TUB: variants seen among roughly 807,000 people sequenced by gnomAD.
The protein encoded by TUB is TUB bipartite transcription factor.
TUB carries 33 observed loss-of-function variants against 59.7 expected under a neutral mutation model. The observed-to-expected ratio is 0.55, with a 90% CI of 0.42 to 0.74. TUB has a LOEUF of 0.74. TUB is among the 30% of genes least tolerant of loss of function. TUB has a pLI of 0.00. For synonymous variants in TUB, 293 were observed against 256.4 expected (o/e 1.14, Z -1.36); for missense variants, 659 against 672.0 (o/e 0.98, Z 0.21).
At chr11:8,087,316 T>C (rs2133827066) in intron 1 of TUB, among the ~76,000 whole-genome samples, 2 of 152,364 alleles carry the variant, frequency 1.3e-5, no homozygotes, top group Middle Eastern at 3.4e-3. Context: ...TTCTTTGTCT[T>C]GCTCAGCCAA....
intron 1 of TUB, among the ~76,000 whole-genome samples, chr11:8,085,061 A>G (rs1943639469): frequency 6.6e-6 from 1 of 152,020 alleles, no homozygotes; most frequent in South Asian, 2.1e-4. Context: ...TTTTGTAGGG[A>G]GTAGTGGGAC....
At chr11:8,074,953 C>T (rs563236510) in intron 2 of TUB, among the ~76,000 whole-genome samples, 342 of 151,942 alleles carry the variant, frequency 2.3e-3, no homozygotes, top group African/African-American at 7.7e-3. Context: ...CCATGTTGCC[C>T]AGGCTGCTCT....
At chr11:8,074,118 T>C (rs1385640584) in intron 2 of TUB, among the ~76,000 whole-genome samples, 1 of 152,132 alleles carries the variant, frequency 6.6e-6, no homozygotes, top group Non-Finnish European at 1.5e-5. Context: ...ACCAAATCTA[T>C]TTTGTACCAA....
chr11:8,039,819 T>A (rs373501162), intron 2 of TUB: 1 of 660,806 alleles, frequency 1.5e-6, no homozygotes. Context: ...TGGGAGTGTG[T>A]GTGTGAAATG....
chr11:8,097,193 C>T (rs781018867), intron 6 of TUB, 35 bp from the exon 7 acceptor site: 5 of 1,612,122 alleles, frequency 3.1e-6, no homozygotes, highest in African/African-American at 1.3e-5. Context: ...GCTTAGGGTC[C>T]TTGGGGCTCA....
chr11:8,092,476 T>G (rs1260779863), intron 3 of TUB, among the ~76,000 whole-genome samples: 1 of 152,148 alleles, frequency 6.6e-6, no homozygotes, highest in Non-Finnish European at 1.5e-5. Context: ...GGCAAGCCAT[T>G]TACCCTCTCT....
At chr11:8,081,584 C>T (rs189235110) in intron 1 of TUB, 36 bp downstream of exon 1, 3 of 1,497,598 alleles carry the variant, frequency 2.0e-6, no homozygotes, top group Non-Finnish European at 8.9e-7. Context: ...CCACCACTCC[C>T]GACTCGGGAC....
intron 2 of TUB, among the ~76,000 whole-genome samples, chr11:8,073,027 G>A (rs1394331888): frequency 1.3e-5 from 2 of 152,200 alleles, no homozygotes; most frequent in Non-Finnish European, 2.9e-5. Flanking sequence ...CACAGAGAGA[G>A]GACATCCTCA....
At position 8,106,126 on chromosome 11, in the gene TUB, T is replaced by C. The variant is rs1263349704; in HGVS notation, c.*4507T>C. 6.6e-6 allele frequency: 1 copy of C among 152,242 alleles called. No individual in the cohort carries two copies. Among genetic ancestry groups the C allele is most frequent in the African/African-American group, 2.4e-5 (1 of 41,464 alleles). The allele number at this position is 152,242 out of a possible 1,614,324, so 9.4% of individuals were successfully genotyped here. ...TTCTGGAGCAAATGTATTTATTTATTGGTATGTGCAATGACAAACTTGGTA... is the reference window on the plus strand; with the variant it reads ...TTCTGGAGCAAATGTATTTATTTATCGGTATGTGCAATGACAAACTTGGTA... On this transcript the variant is annotated 3_prime_UTR_variant, in exon 12 of 12. Transcript: ENST00000299506.
At chr11:8,052,539 GGCTCACTGCAAGCTCT>G (rs568159069) in intron 2 of TUB, among the ~76,000 whole-genome samples, 191 of 148,192 alleles carry the variant, frequency 1.3e-3, no homozygotes, top group African/African-American at 4.6e-3. Flanking sequence ...GTGCAATCTC[GGCTCACTGCAAGCTCT>G]GCCTCCTGGG....
chr11:8,046,732 C>A (rs151027647), intron 2 of TUB, among the ~76,000 whole-genome samples: 29 of 152,126 alleles, frequency 1.9e-4, no homozygotes, highest in Non-Finnish European at 3.7e-4. Context: ...ATGGGCCACA[C>A]TGAAGCCAGA....
rs1944252796 is a variant in TUB, at chr11:8,100,748, T to C, written c.1216-78T>C. 4 of 1,582,978 alleles carry C rather than the reference T, an allele frequency of 2.5e-6. No individual in the cohort carries two copies. The South Asian group carries it at 3.4e-5, about 13-fold the overall frequency. ...GTCTAGGGAAATCCAAGGACCCCCA[T>C]TCCCGGGATAGATCCCTTTCTGGGG... On this transcript the variant is annotated intron_variant, in intron 10 of 11. Coordinates refer to ENST00000299506, the MANE Select transcript of TUB (RefSeq NM_177972.3).
intron 3 of TUB, among the ~76,000 whole-genome samples, chr11:8,093,542 T>C (rs1943853959): frequency 6.6e-6 from 1 of 152,180 alleles, no homozygotes. Context: ...TGTAGCTTCT[T>C]GTGTCCCAGA....
At chr11:8,095,054 A>G (rs757358226) in intron 4 of TUB, among the ~76,000 whole-genome samples, 1 of 152,182 alleles carries the variant, frequency 6.6e-6, no homozygotes, top group African/African-American at 2.4e-5. Flanking sequence ...GTTTTTAATG[A>G]TGTATGTGAG....
chr11:8,030,133 G>A (rs545599990), intron 1 of TUB, among the ~76,000 whole-genome samples: 11 of 152,270 alleles, frequency 7.2e-5, no homozygotes, highest in African/African-American at 2.6e-4. Context: ...GGACTTTTCA[G>A]ATCCCTTGGG....
chr11:8,048,194 G>A (rs1298241945), intron 2 of TUB, among the ~76,000 whole-genome samples: 1 of 152,168 alleles, frequency 6.6e-6, no homozygotes, highest in East Asian at 1.9e-4. Context: ...CCTATGAGGT[G>A]AGTACTGTTA....
rs748933933 is a variant in TUB, at chr11:8,039,702, AG to A, written c.203+14del. Reference sequence around the variant, plus strand: ...GAAGGGAGATCGCTCGGTGAGCTGGAGGGGAGGAGGGCGTGCCGGCCCTGGG... The same window carrying A: ...GAAGGGAGATCGCTCGGTGAGCTGGAGGGAGGAGGGCGTGCCGGCCCTGGG... On this transcript the variant is annotated intron_variant, in intron 2 of 12. Transcript: ENST00000305253. 50 of 1,525,550 alleles carry A rather than the reference AG, an allele frequency of 3.3e-5. No individual in the cohort carries two copies. The highest frequency in any genetic ancestry group is 4.1e-5 in the Non-Finnish European group (47 of 1,134,494). The allele number at this position is 1,525,550 out of a possible 1,614,324, so 94.5% of individuals were successfully genotyped here. A position where few individuals can be genotyped will look rare whatever the true frequency, so the allele number is the denominator to read the frequency against.
chr11:8,021,997 C>G (rs1438847989), intron 1 of TUB, among the ~76,000 whole-genome samples: 1 of 151,954 alleles, frequency 6.6e-6, no homozygotes, highest in Non-Finnish European at 1.5e-5. Context: ...GTCTTCAGAA[C>G]TCTTTTCTTC....
intron 2 of TUB, among the ~76,000 whole-genome samples, chr11:8,048,659 G>A (rs981978797): frequency 6.6e-6 from 1 of 152,084 alleles, no homozygotes; most frequent in Non-Finnish European, 1.5e-5. Flanking sequence ...TCCCAACTTG[G>A]CCTCCTAAAG....
Sources: gnomAD v4.1 joint callset for allele counts (sites outside exome capture counted in the v4.1 genomes callset) on GRCh38, gnomAD v4.1.1 for gene constraint, MANE v1.5 for transcripts, NCBI Gene and HGNC (gene_info 2026-07-23, HGNC 2026-07-21) for gene names.